ATP9A: variants seen among roughly 807,000 people sequenced by gnomAD.
ATP9A encodes ATPase phospholipid transporting 9A.
In ATP9A, 52 loss-of-function variants were observed where a neutral mutation model predicts 144.1. The ratio of observed to expected loss-of-function variants is 0.36; its 90% CI spans 0.29 to 0.45. The LOEUF (loss-of-function observed/expected upper bound fraction) is 0.45, where lower values mean the gene tolerates loss of function less well. Among genes scored for constraint, ATP9A ranks in the 20% least tolerant of loss-of-function variants. The pLI is 1.00. For synonymous variants in ATP9A, 582 were observed against 557.4 expected (o/e 1.04, Z -0.62); for missense variants, 947 against 1,392.7 (o/e 0.68, Z 5.09).
At chr20:51,631,378 A>T (rs1257334798) in intron 15 of ATP9A, among the ~76,000 whole-genome samples, 2 of 152,162 alleles carry the variant, frequency 1.3e-5, no homozygotes, top group Admixed American at 1.3e-4. Context: ...GGGTCTGCAC[A>T]TTAAAGAATC....
chr20:51,730,407 G>C (rs548918845), intron 1 of ATP9A, among the ~76,000 whole-genome samples: 210 of 152,314 alleles, frequency 1.4e-3, no homozygotes, highest in African/African-American at 4.9e-3. Flanking sequence ...GGCGGAGGTC[G>C]CAGTGAGCCA....
intron 9 of ATP9A, among the ~76,000 whole-genome samples, chr20:51,688,022 G>A (rs904932112): frequency 1.3e-5 from 2 of 152,202 alleles, no homozygotes; most frequent in Non-Finnish European, 2.9e-5. Context: ...AAAATGCCTA[G>A]GTTCAAGTTC....
chr20:51,754,029 A>G lies in ATP9A; in HGVS notation c.68+14273T>C, dbSNP rs568919122. On this transcript the variant is annotated intron_variant, in intron 1 of 27. Coordinates refer to ENST00000338821, the MANE Select transcript of ATP9A (RefSeq NM_006045.3). ...CTCATTTTTCAATTAGAGGAAAACA[A>G]AGATTAGACTTTTTCACTGCTCCCC... Among the ~76,000 whole-genome samples the G allele has an allele frequency of 2.9e-3, 440 of 152,106 alleles. 1 individual carries two copies. Among genetic ancestry groups the G allele is most frequent in the African/African-American group, 9.0e-3 (372 of 41,506 alleles).
chr20:51,711,950 G>A (rs539733179), intron 4 of ATP9A, among the ~76,000 whole-genome samples: 4 of 149,956 alleles, frequency 2.7e-5, no homozygotes, highest in African/African-American at 7.4e-5. Context: ...CCGCCTCCTA[G>A]GTTCAAGTGA....
intron 15 of ATP9A, among the ~76,000 whole-genome samples, chr20:51,635,609 C>T (rs377469674): frequency 2.0e-5 from 3 of 151,650 alleles, no homozygotes; most frequent in East Asian, 3.9e-4. Flanking sequence ...TGGTGGTGTG[C>T]ACCTGTAGTC....
chr20:51,691,802 G>A (rs1448256647), intron 7 of ATP9A, among the ~76,000 whole-genome samples: 4 of 152,318 alleles, frequency 2.6e-5, no homozygotes, highest in Middle Eastern at 3.4e-3. Context: ...ACCCATGTAC[G>A]TAGCAGCATT....
chr20:51,696,256 G>A (rs1050739845), intron 5 of ATP9A, 112 bp from the exon 6 acceptor site: 20 of 782,282 alleles, frequency 2.6e-5, no homozygotes, highest in Admixed American at 1.4e-4. Flanking sequence ...GGGCAGGGGG[G>A]ACTGAAACTC....
intron 19 of ATP9A, among the ~76,000 whole-genome samples, chr20:51,620,382 C>T (rs142872738): frequency 6.6e-6 from 1 of 152,196 alleles, no homozygotes; most frequent in Admixed American, 6.5e-5. Flanking sequence ...TCACTGTGAA[C>T]ACTGAATTAG....
chr20:51,695,277 G>A (rs746563113), intron 6 of ATP9A, among the ~76,000 whole-genome samples: 1 of 152,024 alleles, frequency 6.6e-6, no homozygotes, highest in African/African-American at 2.4e-5. Flanking sequence ...GAGGTCAGGA[G>A]TTCGAGACCA....
rs531446687 is a variant in ATP9A, at chr20:51,712,292, T to C, written c.436+674A>G. On this transcript the variant is annotated intron_variant, in intron 4 of 27. Coordinates refer to ENST00000338821, the MANE Select transcript of ATP9A (RefSeq NM_006045.3). ...GGTTTCACCATGTTAGCCAGGATGG[T>C]CTCGATCTCCGGACCTTGTGATCAG... 9.9e-5 allele frequency among the ~76,000 whole-genome samples: 15 copies of C among 152,222 alleles called. No individual in the cohort carries two copies. In the South Asian group the frequency reaches 1.9e-3, roughly 19 times the overall value.
In ATP9A at chr20:51,597,081, A is replaced by G. The variant is rs1043270770; in HGVS notation, c.*4130T>C. 2 of 152,146 alleles carry G rather than the reference A, an allele frequency of 1.3e-5. No homozygotes were observed. The highest frequency in any genetic ancestry group is 2.9e-5 in the Non-Finnish European group (2 of 68,044). The allele number at this position is 152,146 out of a possible 1,614,324, so 9.4% of individuals were successfully genotyped here. A position where few individuals can be genotyped will look rare whatever the true frequency, so the allele number is the denominator to read the frequency against. On this transcript the variant is annotated 3_prime_UTR_variant, in exon 28 of 28. Transcript: ENST00000338821. ...GCAACAAAATAATAAATTAGCCATA[A>G]TTTGTTTTTTTTGCAAATACCATGC...
At chr20:51,625,126 C>G (rs2077242755) in intron 18 of ATP9A, 66 bp downstream of exon 18, 2 of 1,508,948 alleles carry the variant, frequency 1.3e-6, no homozygotes, top group Admixed American at 3.5e-5. Context: ...CTGTGATCTC[C>G]CTGCACTGCT....
intron 5 of ATP9A, 108 bp from the exon 6 acceptor site, chr20:51,696,252 G>C (rs899194172): frequency 1.3e-5 from 11 of 850,796 alleles, no homozygotes; most frequent in East Asian, 2.5e-5. Flanking sequence ...GTTGGGGCAG[G>C]GGGGACTGAA....
At chr20:51,708,604 G>A (rs867150284) in intron 4 of ATP9A, among the ~76,000 whole-genome samples, 6 of 152,076 alleles carry the variant, frequency 3.9e-5, no homozygotes, top group South Asian at 2.1e-4. Flanking sequence ...GCATGGTGGC[G>A]CACACCCGTA....
Position 51,596,780 on chromosome 20 carries a change from A to C in ATP9A, c.*4431T>G, listed in dbSNP as rs1376031173. Reference sequence around the variant, plus strand: ...AATTAAAATAATCCCCCAAGGCAGAACGTACACAAGCTTTATTGGGCAACA... The same window carrying C: ...AATTAAAATAATCCCCCAAGGCAGACCGTACACAAGCTTTATTGGGCAACA... On this transcript the variant is annotated 3_prime_UTR_variant, in exon 28 of 28. Coordinates refer to ENST00000338821, the MANE Select transcript of ATP9A (RefSeq NM_006045.3). The C allele has an allele frequency of 6.6e-6, 1 of 152,230 alleles. No individual in the cohort carries two copies. Among genetic ancestry groups the C allele is most frequent in the Non-Finnish European group, 1.5e-5 (1 of 68,042 alleles). 9.4% of individuals were successfully genotyped at this position (152,230 alleles called of 1,614,324 possible).
chr20:51,744,573 T>C lies in ATP9A; in HGVS notation c.69-14595A>G, dbSNP rs995520614. ...GCTAACCAGATGTGCAATGGTTTCA[T>C]ACAATCTGGCTGAAATGCAAAAGCA... On this transcript the variant is annotated intron_variant, in intron 1 of 27. Transcript: ENST00000338821. Among the ~76,000 whole-genome samples, 15 of 152,358 alleles carry C rather than the reference T, an allele frequency of 9.8e-5. 1 individual carries two copies. Among genetic ancestry groups the C allele is most frequent in the South Asian group, 4.1e-4 (2 of 4,828 alleles).
At chr20:51,690,108 T>TCAA in intron 8 of ATP9A, among the ~76,000 whole-genome samples, 1 of 20,572 alleles carries the variant, frequency 4.9e-5, no homozygotes, top group Non-Finnish European at 8.2e-5. Context: ...GGAGACCGTC[T>TCAA]CAAAAAAAAA....
intron 3 of ATP9A, among the ~76,000 whole-genome samples, chr20:51,717,245 T>TA (rs1434951005): frequency 1.3e-5 from 2 of 151,150 alleles, no homozygotes; most frequent in Admixed American, 1.3e-4. Flanking sequence ...CTGCTGCACT[T>TA]AAGAGTTGGG....
chr20:51,729,727 A>T, intron 2 of ATP9A, 107 bp downstream of exon 2: 1 of 1,288,310 alleles, frequency 7.8e-7, no homozygotes. Flanking sequence ...CCTGGGCGAC[A>T]GAGTAAGACT....
Sources: allele counts gnomAD v4.1 joint callset (sites outside exome capture counted in the v4.1 genomes callset), GRCh38; gene constraint gnomAD v4.1.1; transcripts MANE v1.5; gene names NCBI Gene and HGNC (gene_info 2026-07-23, HGNC 2026-07-21).